GC: variants seen among roughly 807,000 people sequenced by gnomAD.
GC encodes the protein GC vitamin D binding protein, also known as vitamin D-binding protein.
A neutral mutation model predicts 56.7 loss-of-function variants in GC; 43 were observed. That is an observed-to-expected ratio of 0.76 (90% CI 0.59 to 0.98). The LOEUF (loss-of-function observed/expected upper bound fraction) is 0.98. Ranked by LOEUF, GC falls within the 50% of genes least tolerant of loss-of-function variation. The pLI is 0.00. For missense variants in GC, 529 were observed against 545.9 expected (o/e 0.97, Z 0.31); for synonymous variants, 216 against 202.7 (o/e 1.07, Z -0.56).
rs139101655 is a variant in GC, at chr4:71,781,165, C to G, written c.58+2796G>C. On this transcript the variant is annotated intron_variant, in intron 1 of 12. Coordinates refer to ENST00000273951, the MANE Select transcript of GC (RefSeq NM_000583.4). ...AAACCACACACCACATGTTCTCACTCATAGTTGGGAGTTGAACAATGAGAA... is the reference window on the plus strand; with the variant it reads ...AAACCACACACCACATGTTCTCACTGATAGTTGGGAGTTGAACAATGAGAA... Among the ~76,000 whole-genome samples the G allele has an allele frequency of 1.2e-3, 187 of 152,018 alleles. 1 individual carries two copies. Among genetic ancestry groups the G allele is most frequent in the African/African-American group, 4.3e-3 (179 of 41,476 alleles).
At chr4:71,794,314 A>G (rs1435052835) in intron 1 of GC, among the ~76,000 whole-genome samples, 2 of 152,284 alleles carry the variant, frequency 1.3e-5, no homozygotes, top group East Asian at 3.9e-4. Context: ...TAAGCTATTA[A>G]TTATTGCCTC....
In GC at chr4:71,754,454, A is replaced by G. The variant is rs1741651543; in HGVS notation, c.1219T>C (p.Cys407Arg). 1.9e-6 allele frequency: 3 copies of G among 1,594,880 alleles called. No homozygotes were observed. Among genetic ancestry groups the G allele is most frequent in the Non-Finnish European group, 2.6e-6 (3 of 1,163,378 alleles). The change falls in exon 10 of 13, where the codon TGT (cysteine) becomes CGT (arginine). Residue 407 changes from cysteine to arginine, a missense_variant. Coordinates refer to ENST00000273951, the MANE Select transcript of GC (RefSeq NM_000583.4). ...SSFIDKGQEL[C>R]ADYSENTFTE... The stretch of plus-strand genomic sequence containing the variant: ...AATGTATTTTCTGAATAATCTGCAC[A>G]TAGTTCTTGTCCCTTGTCAATGAAA...
intron 1 of GC, among the ~76,000 whole-genome samples, chr4:71,776,682 G>A (rs570591401): frequency 1.3e-5 from 2 of 151,894 alleles, no homozygotes; most frequent in African/African-American, 2.4e-5. Context: ...TGAGATGGTA[G>A]AGGAGTTCAT....
chr4:71,771,355 T>C (rs183412967), intron 1 of GC, among the ~76,000 whole-genome samples: 1 of 152,082 alleles, frequency 6.6e-6, no homozygotes, highest in African/African-American at 2.4e-5. Flanking sequence ...TTAAAGATTC[T>C]CTTTAGGACT....
At chr4:71,754,196 C>T (rs564369002) in intron 10 of GC, among the ~76,000 whole-genome samples, 1 of 152,096 alleles carries the variant, frequency 6.6e-6, no homozygotes, top group Non-Finnish European at 1.5e-5. Context: ...ATTCCTTATC[C>T]TTCACCCCTC....
intron 1 of GC, among the ~76,000 whole-genome samples, chr4:71,781,771 T>C (rs531798621): frequency 1.2e-4 from 18 of 151,946 alleles, no homozygotes; most frequent in Non-Finnish European, 1.8e-4. Flanking sequence ...ACTAACCAGA[T>C]TTAGCAGATT....
At position 71,768,452 on chromosome 4, in the gene GC, A is replaced by G; in HGVS notation, c.129-19T>C. ...TAGTGACCTGAGGGGAAAATAAGACAATATATCAATTAGAACTGAAAGGTT... is the reference window on the plus strand; with the variant it reads ...TAGTGACCTGAGGGGAAAATAAGACGATATATCAATTAGAACTGAAAGGTT... On this transcript the variant is annotated intron_variant, in intron 2 of 12. Transcript: ENST00000273951. 6.3e-7 allele frequency: 1 copy of G among 1,593,024 alleles called. No homozygotes were observed. The highest frequency in any genetic ancestry group is 2.3e-5 in the East Asian group (1 of 44,386).
chr4:71,744,017 A>G (rs969276490), intron 12 of GC, among the ~76,000 whole-genome samples: 8 of 152,206 alleles, frequency 5.3e-5, no homozygotes, highest in African/African-American at 1.9e-4. Flanking sequence ...CACAGGAGAA[A>G]TGATAAGAAA....
At chr4:71,763,306 T>C (rs1019213430) in intron 6 of GC, 102 bp downstream of exon 6, 9 of 529,428 alleles carry the variant, frequency 1.7e-5, no homozygotes, top group Non-Finnish European at 2.6e-5. Flanking sequence ...AAAGTCTATT[T>C]TATATCTTTC....
chr4:71,792,619 A>G (rs1344271447), intron 1 of GC, among the ~76,000 whole-genome samples: 1 of 152,004 alleles, frequency 6.6e-6, no homozygotes. Flanking sequence ...TTGTCTGTTC[A>G]TTCTGATGGT....
intron 8 of GC, among the ~76,000 whole-genome samples, chr4:71,755,353 G>T (rs986265978): frequency 1.3e-5 from 2 of 151,926 alleles, no homozygotes; most frequent in Non-Finnish European, 2.9e-5. Context: ...AGTGGAGACA[G>T]GGTTTCACCA....
chr4:71,778,278 G>A (rs1320364883), intron 1 of GC, among the ~76,000 whole-genome samples: 2 of 151,812 alleles, frequency 1.3e-5, no homozygotes, highest in African/African-American at 2.4e-5. Flanking sequence ...AAAATGACTG[G>A]TAACTAATTA....
At chr4:71,791,575 T>C (rs751119958) in intron 1 of GC, among the ~76,000 whole-genome samples, 5 of 152,066 alleles carry the variant, frequency 3.3e-5, no homozygotes, top group Non-Finnish European at 7.4e-5. Flanking sequence ...TATCTCTACA[T>C]TTATTTACTT....
chr4:71,797,607 C>G (rs2149310590), intron 1 of GC, among the ~76,000 whole-genome samples: 1 of 152,316 alleles, frequency 6.6e-6, no homozygotes, highest in African/African-American at 2.4e-5. Flanking sequence ...AGGGAAATTC[C>G]CCGACCCCTT....
Position 71,763,854 on chromosome 4 carries a change from C to A in GC, c.556G>T (p.Val186Leu). ...VSYTKSYLSMVGSCCTSASPT... is the reference protein window; with the variant it reads ...VSYTKSYLSMLGSCCTSASPT... ...CTTGCAGAGGTACAGCAGGACCCTA[C>A]CATAGAAAGATAACTCTTGGTGTAA... The change falls in exon 5 of 13, where the codon GTA becomes TTA. Residue 186 changes from valine (V) to leucine (L), a missense_variant. Coordinates refer to ENST00000273951, the MANE Select transcript of GC (RefSeq NM_000583.4). The A allele has an allele frequency of 6.2e-7, 1 of 1,612,068 alleles. No homozygotes were observed. The highest frequency in any genetic ancestry group is 8.5e-7 in the Non-Finnish European group (1 of 1,178,200).
At chr4:71,743,263 T>G (rs1035816937) in intron 12 of GC, among the ~76,000 whole-genome samples, 9 of 152,152 alleles carry the variant, frequency 5.9e-5, no homozygotes, top group African/African-American at 1.9e-4. Flanking sequence ...TAGAGATGGG[T>G]AGGCTTAAAT....
chr4:71,783,832 T>C lies in GC; in HGVS notation c.58+129A>G, dbSNP rs1742761520. The stretch of plus-strand genomic sequence containing the variant: ...GGAGCTCTGATTAATGCCTCTCTGG[T>C]CCTTATCCCTCTCCCCAACATATTC... On this transcript the variant is annotated intron_variant, in intron 1 of 12. Transcript: ENST00000273951. The C allele has an allele frequency of 1.3e-5, 7 of 559,566 alleles. No individual in the cohort carries two copies. The South Asian group carries it at 1.8e-4, about 15-fold the overall frequency. 34.7% of individuals were successfully genotyped at this position (559,566 alleles called of 1,614,324 possible).
chr4:71,771,729 T>C (rs1192915198), intron 1 of GC, among the ~76,000 whole-genome samples: 2 of 152,176 alleles, frequency 1.3e-5, no homozygotes, highest in African/African-American at 4.8e-5. Flanking sequence ...TTTTCTGAAA[T>C]GTATTGATTA....
intron 9 of GC, 149 bp downstream of exon 9, chr4:71,754,829 T>A (rs1380028784): frequency 3.3e-6 from 2 of 599,366 alleles, no homozygotes; most frequent in Non-Finnish European, 5.8e-6. Context: ...CTTTTGCTTT[T>A]TTCCCAACAA....
Sources: gnomAD v4.1 joint callset for allele counts (sites outside exome capture counted in the v4.1 genomes callset) on GRCh38, gnomAD v4.1.1 for gene constraint, MANE v1.5 for transcripts, NCBI Gene and HGNC (gene_info 2026-07-23, HGNC 2026-07-21) for gene names.